RALGAPA1: variants seen among roughly 807,000 people sequenced by gnomAD.
RALGAPA1 encodes the protein ral GTPase-activating protein subunit alpha-1.
Under a neutral mutation model 269.6 loss-of-function variants are expected in RALGAPA1, and 52 were observed. The observed-to-expected ratio is 0.19, with a 90% confidence interval of 0.15 to 0.24. RALGAPA1 has a LOEUF of 0.24. Among genes scored for constraint, RALGAPA1 ranks in the 10% least tolerant of loss-of-function variants. The pLI, the probability that RALGAPA1 is intolerant of heterozygous loss-of-function variation, is 1.00. For missense variants in RALGAPA1, 1,917 were observed against 3,013.9 expected (o/e 0.64, Z 8.52); for synonymous variants, 817 against 1,008.3 (o/e 0.81, Z 3.60).
chr14:35,731,330 T>A (rs2141041491), intron 12 of RALGAPA1, among the ~76,000 whole-genome samples: 1 of 152,260 alleles, frequency 6.6e-6, no homozygotes, highest in South Asian at 2.1e-4. Flanking sequence ...CAAGGCTCTT[T>A]AACACCCCCA....
intron 30 of RALGAPA1, among the ~76,000 whole-genome samples, chr14:35,653,199 T>C (rs1041287598): frequency 2.0e-5 from 3 of 152,072 alleles, no homozygotes; most frequent in African/African-American, 4.8e-5. Context: ...GGAGGGGAGA[T>C]TGGGGACAGG....
At chr14:35,669,960 T>C (rs938367829) in intron 26 of RALGAPA1, among the ~76,000 whole-genome samples, 1 of 152,198 alleles carries the variant, frequency 6.6e-6, no homozygotes, top group African/African-American at 2.4e-5. Context: ...GGTGCTATGC[T>C]AGGCTCCGGA....
intron 4 of RALGAPA1, 62 bp from the exon 5 acceptor site, chr14:35,762,815 C>T (rs955785625): frequency 2.6e-5 from 27 of 1,039,220 alleles, no homozygotes; most frequent in South Asian, 1.8e-4. Flanking sequence ...TCAGAGTTCT[C>T]GGTCGGACTT....
intron 31 of RALGAPA1, among the ~76,000 whole-genome samples, chr14:35,647,457 G>A (rs920255827): frequency 6.6e-6 from 1 of 152,170 alleles, no homozygotes; most frequent in African/African-American, 2.4e-5. Context: ...ATGAGATTAA[G>A]AGTTCCTAGA....
Position 35,635,488 on chromosome 14 carries a change from T to G in RALGAPA1, c.5787A>C (p.Lys1929Asn). 6.2e-7 allele frequency: 1 copy of G among 1,600,910 alleles called. No individual in the cohort carries two copies. The highest frequency in any genetic ancestry group is 8.5e-7 in the Non-Finnish European group (1 of 1,175,094). ...CCTTATAAATGCAATTGAGAACAGA[T>G]TTTTCTGTTTTATCGCTTTCTGCTC... is the stretch of plus-strand genomic sequence containing the variant. ...ATGAESDKTEKSVLNCIYKVL... is the reference protein window; with the variant it reads ...ATGAESDKTENSVLNCIYKVL... The change falls in exon 32 of 42, where the codon AAA becomes AAC. Residue 1929 changes from lysine (K) to asparagine (N), a missense_variant. Coordinates refer to ENST00000680220, the MANE Select transcript of RALGAPA1 (RefSeq NM_001346249.2).
rs111554330 is a variant in RALGAPA1, at chr14:35,596,071, C to T, written c.7054-282G>A. Among the ~76,000 whole-genome samples the T allele has an allele frequency of 1.8e-4, 28 of 152,068 alleles. 1 individual carries two copies. The highest frequency in any genetic ancestry group is 4.8e-4 in the African/African-American group (20 of 41,520). On this transcript the variant is annotated intron_variant, in intron 36 of 41. Transcript: ENST00000680220. Reference sequence around the variant, plus strand: ...AGGTGTTAATGGTAAATTATAAAGGCTGTCAGAGCACACCAAGGCCAGGGA... The same window carrying T: ...AGGTGTTAATGGTAAATTATAAAGGTTGTCAGAGCACACCAAGGCCAGGGA...
At chr14:35,614,029 T>C (rs938262585) in intron 35 of RALGAPA1, among the ~76,000 whole-genome samples, 2 of 152,124 alleles carry the variant, frequency 1.3e-5, no homozygotes, top group Admixed American at 6.5e-5. Flanking sequence ...ACTCACAAGA[T>C]TCCACTTTAT....
intron 39 of RALGAPA1, among the ~76,000 whole-genome samples, chr14:35,570,262 C>T (rs2057070960): frequency 6.9e-6 from 1 of 143,906 alleles, no homozygotes; most frequent in African/African-American, 2.7e-5. Context: ...AAAAGTGAGA[C>T]TCCATCTCAA....
chr14:35,684,891 A>T, intron 20 of RALGAPA1, 38 bp downstream of exon 20: 1 of 1,576,520 alleles, frequency 6.3e-7, no homozygotes, highest in East Asian at 2.3e-5. Context: ...GAAGACAATC[A>T]ACATAAAACA....
At chr14:35,627,065 G>GA in intron 34 of RALGAPA1, 25 bp downstream of exon 34, 3 of 997,188 alleles carry the variant, frequency 3.0e-6, no homozygotes, top group Admixed American at 3.8e-5. Flanking sequence ...AAAAAAAAAA[G>GA]AAAAAATTTC....
intron 1 of RALGAPA1, among the ~76,000 whole-genome samples, chr14:35,805,205 C>A (rs1479842874): frequency 6.6e-6 from 1 of 151,664 alleles, no homozygotes; most frequent in African/African-American, 2.4e-5. Context: ...GGGGGGACTG[C>A]CTGAGCTCAG....
chr14:35,785,652 G>C (rs933679572), intron 1 of RALGAPA1, among the ~76,000 whole-genome samples: 1 of 152,074 alleles, frequency 6.6e-6, no homozygotes. Context: ...AGTGCTTTAC[G>C]ACAAATGTAT....
chr14:35,740,095 C>T (rs1189628708), intron 11 of RALGAPA1, among the ~76,000 whole-genome samples: 6 of 152,082 alleles, frequency 3.9e-5, no homozygotes, highest in African/African-American at 1.2e-4. Context: ...TCTACCTGTT[C>T]TTTTATCTTA....
intron 39 of RALGAPA1, among the ~76,000 whole-genome samples, chr14:35,562,323 G>A (rs2056326757): frequency 6.6e-6 from 1 of 152,050 alleles, no homozygotes; most frequent in Non-Finnish European, 1.5e-5. Flanking sequence ...GAGCCTTCAG[G>A]GCTCAGCCTC....
At chr14:35,561,131 G>A (rs1304713185) in intron 39 of RALGAPA1, among the ~76,000 whole-genome samples, 1 of 147,988 alleles carries the variant, frequency 6.8e-6, no homozygotes, top group East Asian at 2.0e-4. Context: ...GGAGGCTGAG[G>A]CAGGAGAAAC....
At position 35,738,595 on chromosome 14, in the gene RALGAPA1, C is replaced by T; in HGVS notation, c.1505G>A (p.Gly502Asp). 6.2e-7 allele frequency: 1 copy of T among 1,613,432 alleles called. No homozygotes were observed. The highest frequency in any genetic ancestry group is 2.2e-5 in the East Asian group (1 of 44,856). Residue 502 changes from glycine to aspartate, a missense_variant, in exon 12 of 42, where the codon GGC becomes GAC. Transcript: ENST00000680220. ...HVRNSSWAKN[G>D]SYQGALHNAS... Reference sequence around the variant, plus strand: ...GTTATGAAGAGCACCTTGGTAGGAGCCGTTTTTTGCCCAACTGGAATTTCG... The same window carrying T: ...GTTATGAAGAGCACCTTGGTAGGAGTCGTTTTTTGCCCAACTGGAATTTCG...
intron 35 of RALGAPA1, among the ~76,000 whole-genome samples, chr14:35,621,217 G>T (rs752119323): frequency 6.6e-6 from 1 of 151,914 alleles, no homozygotes; most frequent in African/African-American, 2.4e-5. Flanking sequence ...ACACATCTAC[G>T]ACCATCTAAT....
intron 35 of RALGAPA1, among the ~76,000 whole-genome samples, chr14:35,615,875 C>T (rs547985357): frequency 9.2e-5 from 14 of 152,220 alleles, no homozygotes; most frequent in African/African-American, 2.6e-4. Flanking sequence ...GGCATTATTA[C>T]GGAGTCACTA....
At chr14:35,759,491 G>A (rs2073501337) in intron 6 of RALGAPA1, among the ~76,000 whole-genome samples, 1 of 151,670 alleles carries the variant, frequency 6.6e-6, no homozygotes, top group African/African-American at 2.4e-5. Context: ...GCTGACTAAT[G>A]TAGCACTGTA....
Sources: allele counts gnomAD v4.1 joint callset (sites outside exome capture counted in the v4.1 genomes callset), GRCh38; gene constraint gnomAD v4.1.1; transcripts MANE v1.5; gene names NCBI Gene and HGNC (gene_info 2026-07-23, HGNC 2026-07-21).